Variants in RIPOR2 observed in about 807,000 individuals in gnomAD.
RIPOR2 encodes the protein rho family-interacting cell polarization regulator 2.
In RIPOR2, 39 loss-of-function variants were observed where a neutral mutation model predicts 114.5. The observed-to-expected ratio is 0.34, with a 90% CI of 0.26 to 0.44. The LOEUF is 0.44. RIPOR2 is among the 20% of genes least tolerant of loss of function. RIPOR2 has a pLI of 1.00. For missense variants in RIPOR2, 1,007 were observed against 1,255.1 expected, an observed-to-expected ratio of 0.80 and a Z score of 2.99; for synonymous variants, 445 against 484.4, an observed-to-expected ratio of 0.92 and a Z score of 1.07.
chr6:25,033,956 G>A (rs76248079), intron 1 of RIPOR2, among the ~76,000 whole-genome samples: 2,092 of 151,874 alleles, frequency 0.014, 59 homozygotes, highest in Admixed American at 0.065. Context: ...CCATGTAGTT[G>A]TGCTATTCAT....
rs372229215 is a variant in RIPOR2 at position 25,023,436 on chromosome 6, C to G, written c.76+18415G>C. On this transcript the variant is annotated intron_variant, in intron 1 of 13. Transcript: ENST00000510784. ...AGGATGTACACCCGGCCCTTGAGGA[C>G]GGACACCTGCGCTTTCCCTCCCACT... The G allele has an allele frequency of 3.9e-6, 3 of 765,002 alleles. No homozygotes were observed. In the East Asian group the frequency reaches 7.3e-5, roughly 19 times the overall value. 47.4% of individuals were successfully genotyped at this position (765,002 alleles called of 1,614,324 possible).
chr6:24,927,632 A>T (rs1446160684), intron 1 of RIPOR2, among the ~76,000 whole-genome samples: 1 of 151,854 alleles, frequency 6.6e-6, no homozygotes, highest in Non-Finnish European at 1.5e-5. Context: ...CACCAGTCCA[A>T]CCACTACCGC....
chr6:24,830,349 A>G (rs1006686905), intron 17 of RIPOR2, among the ~76,000 whole-genome samples, 160 bp downstream of exon 17: 1 of 152,152 alleles, frequency 6.6e-6, no homozygotes, highest in African/African-American at 2.4e-5. Flanking sequence ...TGAGTAGATG[A>G]TGTTTTCCCT....
chr6:25,001,539 T>G (rs1581934727), intron 1 of RIPOR2, among the ~76,000 whole-genome samples: 1 of 147,232 alleles, frequency 6.8e-6, no homozygotes, highest in South Asian at 2.1e-4. Flanking sequence ...GCAGGAGAAT[T>G]GCTTGAACCC....
At chr6:24,998,254 G>C (rs1025181660) in intron 1 of RIPOR2, among the ~76,000 whole-genome samples, 1 of 152,108 alleles carries the variant, frequency 6.6e-6, no homozygotes, top group Non-Finnish European at 1.5e-5. Flanking sequence ...GCTTGCTCAA[G>C]TAATTCTTTG....
At chr6:24,855,917 C>T (rs893355332) in intron 8 of RIPOR2, among the ~76,000 whole-genome samples, 7 of 152,010 alleles carry the variant, frequency 4.6e-5, no homozygotes, top group African/African-American at 1.4e-4. Flanking sequence ...GCCCGTGGTC[C>T]CAGTTACTCA....
intron 1 of RIPOR2, among the ~76,000 whole-genome samples, chr6:24,987,111 G>A (rs913192345): frequency 3.9e-5 from 6 of 152,162 alleles, no homozygotes; most frequent in African/African-American, 1.4e-4. Flanking sequence ...CAGGATAAAG[G>A]AGAATTTTCT....
chr6:24,991,770 C>G (rs759956242), intron 1 of RIPOR2, among the ~76,000 whole-genome samples: 76 of 152,136 alleles, frequency 5.0e-4, no homozygotes, highest in Non-Finnish European at 9.4e-4. Context: ...TAATGAAACC[C>G]TCAAAGGAAA....
intron 1 of RIPOR2, among the ~76,000 whole-genome samples, chr6:25,014,490 G>A (rs189962548): frequency 2.3e-4 from 35 of 152,226 alleles, no homozygotes; most frequent in Non-Finnish European, 4.4e-4. Context: ...TCGAAATAGA[G>A]CCAACTAAAG....
At chr6:24,964,147 CTGTGTG>C (rs70974955) in intron 1 of RIPOR2, among the ~76,000 whole-genome samples, 94 of 146,516 alleles carry the variant, frequency 6.4e-4, no homozygotes, top group East Asian at 1.8e-3. Context: ...GACATTGGCT[CTGTGTG>C]TGTGTGTGTG....
At chr6:24,946,720 C>T (rs1772433246) in intron 1 of RIPOR2, among the ~76,000 whole-genome samples, 1 of 152,186 alleles carries the variant, frequency 6.6e-6, no homozygotes, top group Admixed American at 6.5e-5. Flanking sequence ...CCCAAGGGGT[C>T]TGGACCCTGC....
At chr6:24,871,300 G>C (rs1388270420) in intron 4 of RIPOR2, among the ~76,000 whole-genome samples, 1 of 152,140 alleles carries the variant, frequency 6.6e-6, no homozygotes, top group African/African-American at 2.4e-5. Context: ...TGGCATATGT[G>C]TTAAAAAATA....
intron 12 of RIPOR2, among the ~76,000 whole-genome samples, chr6:24,844,159 A>C (rs906709543): frequency 6.6e-6 from 1 of 152,216 alleles, no homozygotes; most frequent in African/African-American, 2.4e-5. Flanking sequence ...ATAAAAGGAA[A>C]AGACTAATAA....
At chr6:24,996,761 A>C (rs1775065688) in intron 1 of RIPOR2, among the ~76,000 whole-genome samples, 1 of 152,198 alleles carries the variant, frequency 6.6e-6, no homozygotes. Flanking sequence ...CCTCTGCGTG[A>C]CTCAGGCACT....
intron 1 of RIPOR2, among the ~76,000 whole-genome samples, chr6:24,986,989 T>C (rs1331015288): frequency 6.6e-6 from 1 of 152,184 alleles, no homozygotes; most frequent in Non-Finnish European, 1.5e-5. Context: ...TTGTGCCGCC[T>C]TCAAAACCAT....
intron 1 of RIPOR2, among the ~76,000 whole-genome samples, chr6:24,981,220 T>C (rs1334380548): frequency 6.6e-6 from 1 of 152,204 alleles, no homozygotes; most frequent in Non-Finnish European, 1.5e-5. Context: ...AGAAAGCACT[T>C]ATCAACCCAA....
intron 2 of RIPOR2, among the ~76,000 whole-genome samples, chr6:24,874,537 G>A (rs1765532277): frequency 6.6e-6 from 1 of 152,212 alleles, no homozygotes; most frequent in African/African-American, 2.4e-5. Flanking sequence ...AAACCTGAAA[G>A]CTCTGTTGGG....
intron 1 of RIPOR2, among the ~76,000 whole-genome samples, chr6:24,960,810 A>G (rs1773268016): frequency 1.3e-5 from 2 of 152,142 alleles, no homozygotes. Flanking sequence ...ATTTACAGGC[A>G]TGAGCCACTG....
chr6:24,832,361 C>T lies in RIPOR2; in HGVS notation c.2239G>A (p.Val747Met), dbSNP rs369017382. 8.3e-5 allele frequency: 129 copies of T among 1,551,994 alleles called. No individual in the cohort carries two copies. The highest frequency in any genetic ancestry group is 1.1e-4 in the Non-Finnish European group (123 of 1,147,054). Residue 747 changes from valine to methionine, a missense_variant, in exon 16 of 22, where the codon GTG becomes ATG. Coordinates refer to ENST00000643898, the MANE Select transcript of RIPOR2 (RefSeq NM_001286445.3). Reference protein sequence around the residue: ...QIVFSSKTPFVARSLLEKLSR... With the variant: ...QIVFSSKTPFMARSLLEKLSR... Reference sequence around the variant, plus strand: ...AGCTTCTCTAAGAGACTTCTTGCCACAAATGGGGTTTTGCTTGAGAAAACA... The same window carrying T: ...AGCTTCTCTAAGAGACTTCTTGCCATAAATGGGGTTTTGCTTGAGAAAACA...
Sources: gnomAD v4.1 joint callset for allele counts (sites outside exome capture counted in the v4.1 genomes callset) on GRCh38, gnomAD v4.1.1 for gene constraint, MANE v1.5 for transcripts, NCBI Gene and HGNC (gene_info 2026-07-23, HGNC 2026-07-21) for gene names.